Variants in TASP1 observed in about 807,000 individuals in gnomAD.
TASP1 encodes threonine aspartase 1.
Under a neutral mutation model 56.6 loss-of-function variants are expected in TASP1, and 16 were observed. The ratio of observed to expected loss-of-function variants is 0.28; its 90% CI spans 0.19 to 0.43. The LOEUF is 0.43. TASP1 is among the 20% of genes least tolerant of loss of function. The pLI is 1.00. For missense variants in TASP1, 393 were observed against 511.6 expected (o/e 0.77, Z 2.24); for synonymous variants, 179 against 184.2 (o/e 0.97, Z 0.23).
chr20:13,562,887 A>C (rs1441666693), intron 7 of TASP1, among the ~76,000 whole-genome samples: 2 of 147,978 alleles, frequency 1.4e-5, no homozygotes, highest in African/African-American at 2.5e-5. Context: ...AAAAAAAAAA[A>C]AAATTATATC....
At chr20:13,519,801 A>G (rs543459209) in intron 10 of TASP1, among the ~76,000 whole-genome samples, 24 of 152,210 alleles carry the variant, frequency 1.6e-4, no homozygotes, top group African/African-American at 2.9e-4. Flanking sequence ...GAAATAAAGG[A>G]TATTCAATTA....
chr20:13,174,571 C>G, the TASP1 span, among the ~76,000 whole-genome samples: 2 of 151,840 alleles, frequency 1.3e-5, no homozygotes, highest in Non-Finnish European at 2.9e-5. Flanking sequence ...TAGTGGCATG[C>G]GCCTCTAGTT....
chr20:13,466,489 G>C (rs959061196), intron 11 of TASP1, among the ~76,000 whole-genome samples: 1 of 152,164 alleles, frequency 6.6e-6, no homozygotes, highest in Non-Finnish European at 1.5e-5. Flanking sequence ...GCTTGTGCCT[G>C]TAATCCCAGC....
chr20:13,423,061 A>G (rs1192960154), intron 12 of TASP1, among the ~76,000 whole-genome samples: 1 of 152,250 alleles, frequency 6.6e-6, no homozygotes, highest in Non-Finnish European at 1.5e-5. Context: ...AAAATAACAT[A>G]TTTATAAGAA....
chr20:13,114,618 T>C, the TASP1 span, among the ~76,000 whole-genome samples: 1 of 152,258 alleles, frequency 6.6e-6, no homozygotes, highest in Non-Finnish European at 1.5e-5. Context: ...AATTTAAGGA[T>C]TGAGAACTTC....
chr20:13,577,135 T>C (rs2046953290), intron 6 of TASP1, among the ~76,000 whole-genome samples: 1 of 152,080 alleles, frequency 6.6e-6, no homozygotes, highest in Non-Finnish European at 1.5e-5. Context: ...ACGGTGAGCA[T>C]GGGGGACAGT....
the TASP1 span, among the ~76,000 whole-genome samples, chr20:13,152,371 C>T: frequency 2.0e-5 from 3 of 152,118 alleles, no homozygotes; most frequent in African/African-American, 7.2e-5. Context: ...TAGCCACCAC[C>T]TGAATTACTC....
intron 4 of TASP1, among the ~76,000 whole-genome samples, chr20:13,622,188 C>T (rs1365027489): frequency 6.6e-6 from 1 of 152,188 alleles, no homozygotes; most frequent in East Asian, 1.9e-4. Context: ...TTCTAAGAGA[C>T]TGTCATGTAT....
intron 10 of TASP1, among the ~76,000 whole-genome samples, chr20:13,512,592 G>A (rs2044376732): frequency 6.6e-6 from 1 of 152,138 alleles, no homozygotes. Context: ...CTGTGCAGAA[G>A]CTCTTTAGTT....
chr20:13,624,369 A>G (rs1228852961), intron 3 of TASP1, among the ~76,000 whole-genome samples: 3 of 152,108 alleles, frequency 2.0e-5, no homozygotes, highest in Non-Finnish European at 4.4e-5. Context: ...AGCTTCGAGA[A>G]CTTTTAGCTT....
chr20:13,268,342 T>G, the TASP1 span, among the ~76,000 whole-genome samples: 1 of 91,902 alleles, frequency 1.1e-5, no homozygotes, highest in African/African-American at 4.3e-5. Context: ...CTTCTCCTTC[T>G]TCTTCCTCTC....
the TASP1 span, among the ~76,000 whole-genome samples, chr20:13,366,598 C>T: frequency 6.6e-6 from 1 of 152,142 alleles, no homozygotes; most frequent in Admixed American, 6.5e-5. Context: ...CAACATCTTC[C>T]TAGCCGCCTA....
chr20:13,393,555 G>T (rs752906692), intron 13 of TASP1: 2 of 825,762 alleles, frequency 2.4e-6, no homozygotes, highest in Non-Finnish European at 4.2e-6. Flanking sequence ...CATCTTCCAT[G>T]CTGGGGCTGG....
the TASP1 span, among the ~76,000 whole-genome samples, chr20:13,116,524 A>C: frequency 9.9e-5 from 15 of 152,164 alleles, no homozygotes; most frequent in Non-Finnish European, 2.1e-4. Context: ...ATTTATTCAT[A>C]GACTACATTT....
intron 1 of TASP1, among the ~76,000 whole-genome samples, chr20:13,635,641 G>GCCT (rs2147632785): frequency 6.6e-6 from 1 of 152,208 alleles, no homozygotes; most frequent in Non-Finnish European, 1.5e-5. Flanking sequence ...ACCCACCTCA[G>GCCT]CCTCCCAGAC....
At chr20:13,121,767 A>G in the TASP1 span, among the ~76,000 whole-genome samples, 1 of 152,176 alleles carries the variant, frequency 6.6e-6, no homozygotes, top group African/African-American at 2.4e-5. Context: ...CACACAAGCA[A>G]ATAAACTTCC....
chr20:13,208,391 T>C, the TASP1 span, among the ~76,000 whole-genome samples: 2 of 152,224 alleles, frequency 1.3e-5, no homozygotes, highest in African/African-American at 2.4e-5. Context: ...TTGAAATTTG[T>C]TTAATGCTTT....
At chr20:13,291,711 C>T in the TASP1 span, among the ~76,000 whole-genome samples, 1 of 152,178 alleles carries the variant, frequency 6.6e-6, no homozygotes, top group African/African-American at 2.4e-5. Flanking sequence ...TGAAGCATCA[C>T]CAACAATGCT....
At chr20:13,188,489 A>G in the TASP1 span, among the ~76,000 whole-genome samples, 1 of 152,216 alleles carries the variant, frequency 6.6e-6, no homozygotes, top group Non-Finnish European at 1.5e-5. Context: ...GAGGTGAAAT[A>G]TCTCTACAAT....
Sources: gnomAD v4.1 joint callset for allele counts (sites outside exome capture counted in the v4.1 genomes callset) on GRCh38, gnomAD v4.1.1 for gene constraint, MANE v1.5 for transcripts, NCBI Gene and HGNC (gene_info 2026-07-23, HGNC 2026-07-21) for gene names.